Variants in CTNNA2 observed in about 807,000 individuals in gnomAD.
The protein encoded by CTNNA2 is catenin alpha 2, also known as catenin alpha-2.
In CTNNA2, 42 loss-of-function variants were observed where a neutral mutation model predicts 101.0. That is an observed-to-expected ratio of 0.42 (90% CI 0.32 to 0.54). CTNNA2 has a LOEUF of 0.54. Among genes scored for constraint, CTNNA2 ranks in the 20% least tolerant of loss-of-function variants. The probability of loss-of-function intolerance (pLI) is 0.14; values close to 1 mark genes in which losing one functional copy is unlikely to be tolerated. For synonymous variants in CTNNA2, 450 were observed against 456.4 expected (o/e 0.99, Z 0.18); for missense variants, 871 against 1,223.1 (o/e 0.71, Z 4.29).
intron 4 of CTNNA2, among the ~76,000 whole-genome samples, chr2:79,429,257 A>G (rs188272713): frequency 1.3e-5 from 2 of 152,186 alleles, no homozygotes; most frequent in African/African-American, 4.8e-5. Flanking sequence ...TTTAATCTTG[A>G]AATTTTCTGT....
chr2:79,274,993 C>T (rs1452887484), intron 2 of CTNNA2, among the ~76,000 whole-genome samples: 1 of 151,996 alleles, frequency 6.6e-6, no homozygotes, highest in Admixed American at 6.6e-5. Flanking sequence ...CAAAGCTATG[C>T]TCTGGGAACC....
At chr2:79,844,589 C>T (rs1401655019) in intron 3 of CTNNA2, among the ~76,000 whole-genome samples, 1 of 152,110 alleles carries the variant, frequency 6.6e-6, no homozygotes, top group Non-Finnish European at 1.5e-5. Context: ...CTCCCTCCAA[C>T]TTCATGCAAC....
At chr2:79,357,318 C>A (rs1043367349) in intron 3 of CTNNA2, among the ~76,000 whole-genome samples, 13 of 151,954 alleles carry the variant, frequency 8.6e-5, no homozygotes, top group Admixed American at 7.9e-4. Context: ...AGAGTAAGAC[C>A]CTGTCTCAAA....
intron 6 of CTNNA2, among the ~76,000 whole-genome samples, chr2:79,902,720 A>G (rs1161954185): frequency 6.6e-6 from 1 of 150,650 alleles, no homozygotes; most frequent in African/African-American, 2.4e-5. Flanking sequence ...TCTGCCTCCC[A>G]GGTTCAAGCA....
rs117364098 is a variant in CTNNA2, at chr2:80,034,755, T to G, written c.1056+124958T>G. Among the ~76,000 whole-genome samples the G allele has an allele frequency of 3.9e-4, 59 of 152,210 alleles. No individual in the cohort carries two copies. In the East Asian group the frequency reaches 0.011, roughly 28 times the overall value. ...TTGTCAAATTGGCTGAAATCCACAA[T>G]TTGATAAAACATTCTGTTGGTGAGA... On this transcript the variant is annotated intron_variant, in intron 7 of 18. Coordinates refer to ENST00000402739, the MANE Select transcript of CTNNA2 (RefSeq NM_001282597.3).
At chr2:79,221,268 C>T (rs999574066) in intron 2 of CTNNA2, among the ~76,000 whole-genome samples, 2 of 152,174 alleles carry the variant, frequency 1.3e-5, no homozygotes, top group African/African-American at 4.8e-5. Flanking sequence ...CTTCCTGCCT[C>T]AGCCAAGTAG....
intron 9 of CTNNA2, among the ~76,000 whole-genome samples, chr2:80,471,313 A>G (rs1459105217): frequency 6.6e-6 from 1 of 152,216 alleles, no homozygotes; most frequent in Non-Finnish European, 1.5e-5. Flanking sequence ...TCCTTCTCAT[A>G]AGGTAGCGTT....
chr2:79,482,500 G>T (rs928154223), intron 4 of CTNNA2, among the ~76,000 whole-genome samples: 1 of 152,102 alleles, frequency 6.6e-6, no homozygotes, highest in South Asian at 2.1e-4. Context: ...CAGCTATTCT[G>T]GTAGTGACAC....
intron 7 of CTNNA2, among the ~76,000 whole-genome samples, chr2:79,924,667 C>A (rs1251880644): frequency 6.6e-6 from 1 of 151,948 alleles, no homozygotes; most frequent in African/African-American, 2.4e-5. Context: ...GGGGTTGAAT[C>A]AAGATAAAAT....
At chr2:79,253,449 T>C (rs1479110003) in intron 2 of CTNNA2, among the ~76,000 whole-genome samples, 2 of 152,158 alleles carry the variant, frequency 1.3e-5, no homozygotes, top group African/African-American at 4.8e-5. Context: ...ATGATCAAAA[T>C]AAGATTTGCA....
chr2:80,584,242 C>T (rs1010740625), intron 14 of CTNNA2, among the ~76,000 whole-genome samples: 23 of 152,056 alleles, frequency 1.5e-4, no homozygotes, highest in African/African-American at 5.3e-4. Flanking sequence ...ACTTTGTGTT[C>T]ACATTTAGAG....
chr2:79,662,293 A>C (rs991963473), intron 2 of CTNNA2, among the ~76,000 whole-genome samples: 1 of 152,154 alleles, frequency 6.6e-6, no homozygotes, highest in African/African-American at 2.4e-5. Context: ...TTGCGATAAA[A>C]TCAAACCTTA....
rs995236966 is a variant in CTNNA2 at position 79,762,181 on chromosome 2, G to C, written c.298+17599G>C. Among the ~76,000 whole-genome samples the C allele has an allele frequency of 3.8e-4, 58 of 152,068 alleles. 1 individual carries two copies. The highest frequency in any genetic ancestry group is 2.9e-3 in the Admixed American group (45 of 15,270). On this transcript the variant is annotated intron_variant, in intron 3 of 18. Coordinates refer to ENST00000402739, the MANE Select transcript of CTNNA2 (RefSeq NM_001282597.3). ...TCTTGGAACCATATATTTTTGTCTT[G>C]TATTTTAAAAAGAAGAGGAAGAATG...
At chr2:79,190,489 G>A (rs1424051851) in intron 1 of CTNNA2, among the ~76,000 whole-genome samples, 4 of 151,912 alleles carry the variant, frequency 2.6e-5, no homozygotes, top group Non-Finnish European at 5.9e-5. Context: ...CACCATACTT[G>A]GACACAATAG....
chr2:79,247,126 G>A (rs1028480392), intron 2 of CTNNA2, among the ~76,000 whole-genome samples: 7 of 152,208 alleles, frequency 4.6e-5, no homozygotes, highest in African/African-American at 1.7e-4. Flanking sequence ...ACTTGTGGAT[G>A]TGGGAGGAAT....
chr2:80,245,686 A>G lies in CTNNA2; in HGVS notation c.1057-147525A>G, dbSNP rs187328539. ...CCTCTCTTTCCCCTGACTCCCTATG[A>G]CAACTGTTTTCTGTCCTATTAATCT... On this transcript the variant is annotated intron_variant, in intron 7 of 18. Transcript: ENST00000402739. Among the ~76,000 whole-genome samples the G allele has an allele frequency of 1.3e-3, 202 of 151,914 alleles. 5 individuals are homozygous for G. Among genetic ancestry groups the G allele is most frequent in the Admixed American group, 0.013 (202 of 15,234 alleles).
intron 13 of CTNNA2, chr2:80,576,528 G>A (rs1195598229): frequency 6.6e-6 from 1 of 151,972 alleles, no homozygotes; most frequent in Non-Finnish European, 1.5e-5. Flanking sequence ...AGTAGTTAGT[G>A]TTCTACAAAT....
intron 9 of CTNNA2, among the ~76,000 whole-genome samples, chr2:80,424,762 C>T (rs1002905797): frequency 4.6e-5 from 7 of 152,158 alleles, no homozygotes; most frequent in African/African-American, 7.2e-5. Flanking sequence ...TTTAACACCA[C>T]GAGACTGAGT....
At chr2:79,663,642 T>G (rs11676065) in intron 2 of CTNNA2, among the ~76,000 whole-genome samples, 33,625 of 152,116 alleles carry the variant, frequency 0.22, 4,010 homozygotes, top group Admixed American at 0.26. Flanking sequence ...ACTCTTTTTT[T>G]TTAAAGTACA....
Sources: gnomAD v4.1 joint callset for allele counts (sites outside exome capture counted in the v4.1 genomes callset) on GRCh38, gnomAD v4.1.1 for gene constraint, MANE v1.5 for transcripts, NCBI Gene and HGNC (gene_info 2026-07-23, HGNC 2026-07-21) for gene names.